Variants in GPHN observed in about 807,000 individuals in gnomAD.
GPHN encodes the protein gephyrin.
GPHN carries 17 observed loss-of-function variants against 95.5 expected under a neutral mutation model. The ratio of observed to expected loss-of-function variants is 0.18; its 90% CI spans 0.12 to 0.27. The LOEUF is 0.27. GPHN is among the 10% of genes least tolerant of loss of function. The pLI is 1.00. For synonymous variants in GPHN, 320 were observed against 322.5 expected (o/e 0.99, Z 0.08); for missense variants, 660 against 978.1 (o/e 0.67, Z 4.34).
chr14:67,036,538 C>CAT (rs1439555721), intron 10 of GPHN, among the ~76,000 whole-genome samples: 3 of 149,814 alleles, frequency 2.0e-5, no homozygotes, highest in Non-Finnish European at 4.5e-5. Context: ...CACACACACA[C>CAT]ACAGAGAAAC....
intron 1 of GPHN, among the ~76,000 whole-genome samples, chr14:66,678,229 A>G (rs117991539): frequency 0.012 from 1,843 of 152,146 alleles, 20 homozygotes; most frequent in Non-Finnish European, 0.018. Flanking sequence ...AAATGTGAAT[A>G]TTTATTTACT....
At chr14:67,332,470 G>A in the GPHN span, among the ~76,000 whole-genome samples, 2 of 152,210 alleles carry the variant, frequency 1.3e-5, no homozygotes, top group Non-Finnish European at 2.9e-5. Flanking sequence ...ACAAATGTTT[G>A]TAGGGAAACA....
chr14:66,944,337 C>T (rs2067612894), intron 8 of GPHN, among the ~76,000 whole-genome samples: 1 of 152,180 alleles, frequency 6.6e-6, no homozygotes, highest in Non-Finnish European at 1.5e-5. Context: ...AATCCCAGGC[C>T]ACCATTGTAA....
chr14:66,826,048 A>G (rs1353971473), intron 4 of GPHN, among the ~76,000 whole-genome samples: 1 of 152,278 alleles, frequency 6.6e-6, no homozygotes, highest in East Asian at 1.9e-4. Context: ...GCGTTTATGT[A>G]TGCCTATTTT....
the GPHN span, among the ~76,000 whole-genome samples, chr14:67,216,072 C>T: frequency 6.6e-6 from 1 of 152,156 alleles, no homozygotes; most frequent in Non-Finnish European, 1.5e-5. Context: ...CGCCTCCCAC[C>T]GTGTCCTCCT....
the GPHN span, chr14:67,589,753 C>T: frequency 2.7e-5 from 28 of 1,030,398 alleles, no homozygotes; most frequent in Non-Finnish European, 3.3e-5. Context: ...TTTTGCTTCA[C>T]AAACATCAAC....
chr14:67,292,866 A>C, the GPHN span: 4 of 587,504 alleles, frequency 6.8e-6, no homozygotes, highest in East Asian at 1.3e-4. Context: ...GTGACAGTTT[A>C]CTACATGCAT....
At chr14:67,627,256 G>GATATATATATATATATATATATATATAT in the GPHN span, among the ~76,000 whole-genome samples, 35 of 133,732 alleles carry the variant, frequency 2.6e-4, 1 homozygote, top group African/African-American at 9.5e-4. Flanking sequence ...TCAGTAAGGA[G>GATATATATATATATATATATATATATAT]ATATATATAT....
chr14:66,808,146 C>A (rs1374598637), intron 3 of GPHN, among the ~76,000 whole-genome samples: 1 of 152,140 alleles, frequency 6.6e-6, no homozygotes, highest in Non-Finnish European at 1.5e-5. Context: ...TATTAAACAT[C>A]TTTTCATGTC....
At chr14:66,718,280 G>A (rs759016703) in intron 2 of GPHN, among the ~76,000 whole-genome samples, 26 of 152,018 alleles carry the variant, frequency 1.7e-4, no homozygotes, top group Admixed American at 2.6e-4. Context: ...GGTGGGTCTC[G>A]CTGACTTCAG....
At chr14:66,846,959 G>T (rs2062365140) in intron 4 of GPHN, among the ~76,000 whole-genome samples, 1 of 151,986 alleles carries the variant, frequency 6.6e-6, no homozygotes, top group Non-Finnish European at 1.5e-5. Flanking sequence ...CCTGCTGTCA[G>T]AAGGTTTAGT....
intron 11 of GPHN, among the ~76,000 whole-genome samples, chr14:67,068,175 T>G (rs1324585873): frequency 6.6e-6 from 1 of 152,252 alleles, no homozygotes; most frequent in Non-Finnish European, 1.5e-5. Context: ...CAGTCTGGTG[T>G]TCATTTCACT....
intron 1 of GPHN, among the ~76,000 whole-genome samples, chr14:66,572,681 A>G (rs2060743897): frequency 6.6e-6 from 1 of 151,660 alleles, no homozygotes; most frequent in Non-Finnish European, 1.5e-5. Context: ...AGGGTTTTCT[A>G]TACATAAGAT....
At chr14:67,227,857 A>G in the GPHN span, 2 of 152,200 alleles carry the variant, frequency 1.3e-5, no homozygotes, top group Admixed American at 6.5e-5. Context: ...ACAGCTTTTA[A>G]AAACAACAAT....
chr14:67,098,535 C>A (rs1385401773), intron 12 of GPHN, among the ~76,000 whole-genome samples: 1 of 151,892 alleles, frequency 6.6e-6, no homozygotes, highest in Non-Finnish European at 1.5e-5. Flanking sequence ...ATGGGTCAGG[C>A]GCGGTGGCTT....
At chr14:66,950,337 T>C (rs2068030062) in intron 8 of GPHN, among the ~76,000 whole-genome samples, 1 of 152,172 alleles carries the variant, frequency 6.6e-6, no homozygotes. Flanking sequence ...TGGCAAGCCT[T>C]TGGTTCATCT....
In GPHN at chr14:66,526,732, A is replaced by C. The variant is rs999378126; in HGVS notation, c.64+18141A>C. Among the ~76,000 whole-genome samples the C allele has an allele frequency of 1.3e-5, 2 of 152,300 alleles. 1 individual carries two copies. Among genetic ancestry groups the C allele is most frequent in the Middle Eastern group, 6.8e-3 (2 of 294 alleles). On this transcript the variant is annotated intron_variant, in intron 1 of 22. Coordinates refer to ENST00000478722, the MANE Select transcript of GPHN (RefSeq NM_020806.5). ...GGCCTTTTCTGCATCTACTGAGATA[A>C]TCATGTGGTTTTTGTCATTGCTTCG...
At chr14:66,873,988 A>G (rs1295793679) in intron 4 of GPHN, among the ~76,000 whole-genome samples, 1 of 152,200 alleles carries the variant, frequency 6.6e-6, no homozygotes, top group East Asian at 1.9e-4. Context: ...GTTGACAGAC[A>G]TGTCATACAG....
At chr14:67,624,657 A>G in the GPHN span, among the ~76,000 whole-genome samples, 2 of 152,162 alleles carry the variant, frequency 1.3e-5, no homozygotes, top group Admixed American at 1.3e-4. Context: ...CCATGATCCA[A>G]TCACCTCCCA....
Sources: gnomAD v4.1 joint callset for allele counts (sites outside exome capture counted in the v4.1 genomes callset) on GRCh38, gnomAD v4.1.1 for gene constraint, MANE v1.5 for transcripts, NCBI Gene and HGNC (gene_info 2026-07-23, HGNC 2026-07-21) for gene names.